Variants in SAG observed in about 807,000 individuals in gnomAD.
The protein encoded by SAG is S-antigen visual arrestin, also known as S-arrestin.
SAG carries 45 observed loss-of-function variants against 55.0 expected under a neutral mutation model. The observed-to-expected ratio is 0.82, with a 90% CI of 0.64 to 1.05. The LOEUF (loss-of-function observed/expected upper bound fraction) is 1.05. SAG is among the 50% of genes least tolerant of loss of function. The pLI is 0.00. For missense variants in SAG, 455 were observed against 512.1 expected (o/e 0.89, Z 1.08); for synonymous variants, 189 against 197.4 (o/e 0.96, Z 0.36).
intron 8 of SAG, chr2:233,328,934 A>C (rs957513701): frequency 9.1e-5 from 28 of 307,600 alleles, no homozygotes; most frequent in African/African-American, 5.8e-4. Context: ...GGCCTTGTTC[A>C]CTCATGGAGC....
chr2:233,326,616 G>T (rs1972906), intron 6 of SAG, among the ~76,000 whole-genome samples: 19,040 of 150,418 alleles, frequency 0.13, 1,401 homozygotes, highest in African/African-American at 0.19. Context: ...CGTGCTGCCC[G>T]CACTGGGTGC....
chr2:233,335,536 G>A (rs1368071961), intron 11 of SAG, among the ~76,000 whole-genome samples: 1 of 152,138 alleles, frequency 6.6e-6, no homozygotes, highest in African/African-American at 2.4e-5. Context: ...AGCTAGTGTG[G>A]TGCCCTAAGC....
chr2:233,343,798 G>A, intron 14 of SAG: 1 of 1,011,040 alleles, frequency 9.9e-7, no homozygotes, highest in Non-Finnish European at 1.2e-6. Flanking sequence ...GTATAAACAA[G>A]CAGGGTTTAT....
rs773962500 is a variant in SAG, at chr2:233,338,673, C to A, written c.945-3C>A. ...ATTCTCCTTTTCCCTTCTGTTTGGG[C>A]AGCATTAAGGAGGGCATAGACCGGA... On this transcript the variant is annotated splice_polypyrimidine_tract_variant and splice_region_variant and intron_variant, in intron 11 of 15. Coordinates refer to ENST00000409110, the MANE Select transcript of SAG (RefSeq NM_000541.5). 3 of 1,612,974 alleles carry A rather than the reference C, an allele frequency of 1.9e-6. No homozygotes were observed. Among genetic ancestry groups the A allele is most frequent in the Non-Finnish European group, 2.5e-6 (3 of 1,179,078 alleles).
intron 11 of SAG, 115 bp downstream of exon 11, chr2:233,335,214 G>A: frequency 7.4e-7 from 1 of 1,357,974 alleles, no homozygotes; most frequent in Non-Finnish European, 1.0e-6. Context: ...TGGTGGTCTG[G>A]CGTGTGTAGT....
chr2:233,323,847 ACCAGGTAAAC>A (rs1451174017), intron 6 of SAG, among the ~76,000 whole-genome samples: 1 of 152,330 alleles, frequency 6.6e-6, no homozygotes, highest in Admixed American at 6.5e-5. Flanking sequence ...AACCGAGAGC[ACCAGGTAAAC>A]CCAAATAACA....
At chr2:233,338,893 G>A in intron 12 of SAG, 140 bp downstream of exon 12, 1 of 758,444 alleles carries the variant, frequency 1.3e-6, no homozygotes, top group South Asian at 1.5e-5. Flanking sequence ...TAGAGCTTGG[G>A]AGAGATTCTG....
intron 3 of SAG, among the ~76,000 whole-genome samples, chr2:233,317,232 G>C (rs1700238499): frequency 6.6e-6 from 1 of 152,208 alleles, no homozygotes; most frequent in Admixed American, 6.5e-5. Flanking sequence ...ACTTATCTCA[G>C]AGAAATGAAA....
chr2:233,329,195 C>T (rs1007116624), intron 8 of SAG: 4 of 390,058 alleles, frequency 1.0e-5, no homozygotes. Flanking sequence ...GGGATGCCAG[C>T]ACTTGGCTTT....
chr2:233,344,683 A>C (rs578033897), intron 14 of SAG: 1 of 152,290 alleles, frequency 6.6e-6, no homozygotes, highest in East Asian at 1.9e-4. Context: ...AGATTTCTAG[A>C]GATAAATGTC....
chr2:233,343,329 C>T (rs1163304330), intron 14 of SAG: 3 of 162,336 alleles, frequency 1.8e-5, no homozygotes, highest in South Asian at 2.8e-4. Context: ...GTGATCCACC[C>T]GCCTCAGCGT....
At chr2:233,320,406 G>A (rs1298818153) in intron 4 of SAG, among the ~76,000 whole-genome samples, 1 of 152,164 alleles carries the variant, frequency 6.6e-6, no homozygotes, top group Non-Finnish European at 1.5e-5. Flanking sequence ...TGATACAATT[G>A]GGAGGAAGAT....
intron 10 of SAG, chr2:233,331,997 G>T: frequency 2.4e-6 from 1 of 414,482 alleles, no homozygotes. Context: ...GGATCAGCTG[G>T]CTTTTTCTAT....
intron 1 of SAG, among the ~76,000 whole-genome samples, chr2:233,308,594 C>CTT (rs199714586): frequency 6.6e-6 from 1 of 151,264 alleles, no homozygotes; most frequent in Non-Finnish European, 1.5e-5. Flanking sequence ...TTAATATATT[C>CTT]TTTTTTTTTA....
At chr2:233,338,636 C>G in intron 11 of SAG, 40 bp from the exon 12 acceptor site, 2 of 1,573,262 alleles carry the variant, frequency 1.3e-6, no homozygotes, top group South Asian at 2.2e-5. Flanking sequence ...TCACCCTCCT[C>G]TGCTCTCCAT....
intron 15 of SAG, among the ~76,000 whole-genome samples, 164 bp from the exon 16 acceptor site, chr2:233,346,639 CTAGT>C (rs888430743): frequency 4.1e-4 from 63 of 152,310 alleles, no homozygotes; most frequent in Middle Eastern, 3.4e-3. Flanking sequence ...CCCATTGGTG[CTAGT>C]TAAAGGAATT....
chr2:233,335,355 C>T (rs1489332217), intron 11 of SAG, among the ~76,000 whole-genome samples: 2 of 152,188 alleles, frequency 1.3e-5, no homozygotes, highest in Non-Finnish European at 2.9e-5. Context: ...TGGGAAAACA[C>T]CTTGAGTTCT....
chr2:233,334,701 A>C, intron 10 of SAG: 1 of 443,258 alleles, frequency 2.3e-6, no homozygotes, highest in Non-Finnish European at 4.1e-6. Context: ...CATTAACTCC[A>C]TAGAACATTC....
Position 233,322,982 on chromosome 2 carries a change from C to A in SAG, c.412C>A (p.Pro138Thr). 1 of 1,577,380 alleles carries A rather than the reference C, an allele frequency of 6.3e-7. No homozygotes were observed. Among genetic ancestry groups the A allele is most frequent in the Non-Finnish European group, 8.6e-7 (1 of 1,158,348 alleles). The change falls in exon 6 of 16, where the codon CCA (proline) becomes ACA (threonine). Residue 138 changes from proline (P) to threonine (T), a missense_variant. Physicochemically the swap from Pro to Thr is conservative, Grantham distance 38. Coordinates refer to ENST00000409110, the MANE Select transcript of SAG (RefSeq NM_000541.5). ...DYLPCSVMLQ[P>T]APQDSGKSCG... is the part of the protein sequence containing the mutation. Reference sequence around the variant, plus strand: ...CTTGCCCTGTTCAGTGATGTTGCAGCCAGCTCCACAAGATTCAGGGAAGGT... The same window carrying A: ...CTTGCCCTGTTCAGTGATGTTGCAGACAGCTCCACAAGATTCAGGGAAGGT...
Sources: allele counts gnomAD v4.1 joint callset (sites outside exome capture counted in the v4.1 genomes callset), GRCh38; gene constraint gnomAD v4.1.1; transcripts MANE v1.5; gene names NCBI Gene and HGNC (gene_info 2026-07-23, HGNC 2026-07-21).